Variants in DYNC2I1 observed in about 807,000 individuals in gnomAD.
DYNC2I1 encodes cytoplasmic dynein 2 intermediate chain 1.
Under a neutral mutation model 133.4 loss-of-function variants are expected in DYNC2I1, and 89 were observed. That is an observed-to-expected ratio of 0.67 (90% CI 0.56 to 0.80). The LOEUF (loss-of-function observed/expected upper bound fraction) is 0.80. DYNC2I1 is among the 30% of genes least tolerant of loss of function. DYNC2I1 has a pLI of 0.00. For synonymous variants in DYNC2I1, 504 were observed against 484.3 expected, an observed-to-expected ratio of 1.04 and a Z score of -0.54; for missense variants, 1,291 against 1,314.5, an observed-to-expected ratio of 0.98 and a Z score of 0.28.
At chr7:158,955,704 CAG>C (rs1231051635) in intron 4 of DYNC2I1, among the ~76,000 whole-genome samples, 2 of 152,218 alleles carry the variant, frequency 1.3e-5, no homozygotes, top group African/African-American at 2.4e-5. Flanking sequence ...TTCCATGGGA[CAG>C]GGCCCGTGAG....
chr7:158,958,604 A>G (rs147534657), downstream of DYNC2I1, among the ~76,000 whole-genome samples: 319 of 152,382 alleles, frequency 2.1e-3, 2 homozygotes, highest in African/African-American at 6.9e-3. Flanking sequence ...CCCGCAAACT[A>G]CACATTAGTT....
chr7:158,953,038 C>T (rs1162286570), intron 4 of DYNC2I1, among the ~76,000 whole-genome samples: 1 of 152,210 alleles, frequency 6.6e-6, no homozygotes, highest in African/African-American at 2.4e-5. Flanking sequence ...GCATCCGCAC[C>T]CATGGGCTAA....
At chr7:158,905,365 T>A (rs1004502581) in intron 10 of DYNC2I1, 2 of 278,700 alleles carry the variant, frequency 7.2e-6, no homozygotes, top group Non-Finnish European at 1.4e-5. Flanking sequence ...GGTCTGGAGC[T>A]CCAGCCCTCA....
intron 24 of DYNC2I1, 66 bp downstream of exon 24, chr7:158,942,214 G>T (rs1433221281): frequency 2.3e-6 from 3 of 1,299,470 alleles, no homozygotes; most frequent in Non-Finnish European, 3.1e-6. Flanking sequence ...TGCCACTTAC[G>T]GTCTTTCTTC....
chr7:158,870,893 A>G (rs553745750), intron 2 of DYNC2I1, among the ~76,000 whole-genome samples: 2 of 152,296 alleles, frequency 1.3e-5, no homozygotes, highest in Admixed American at 6.5e-5. Flanking sequence ...ATCAGTGTGA[A>G]TGTCCATGAT....
intron 23 of DYNC2I1, among the ~76,000 whole-genome samples, chr7:158,941,141 TACA>T (rs1478169055): frequency 6.6e-6 from 1 of 152,058 alleles, no homozygotes. Context: ...AAAGAGGAGA[TACA>T]ACAACTGAGC....
intron 23 of DYNC2I1, among the ~76,000 whole-genome samples, chr7:158,934,889 A>T (rs1850594429): frequency 6.6e-6 from 1 of 152,206 alleles, no homozygotes; most frequent in African/African-American, 2.4e-5. Flanking sequence ...AAAGTTAATC[A>T]TTTACTAGAG....
At chr7:158,939,815 T>C (rs1365428198) in intron 23 of DYNC2I1, among the ~76,000 whole-genome samples, 1 of 152,166 alleles carries the variant, frequency 6.6e-6, no homozygotes, top group African/African-American at 2.4e-5. Context: ...CAAGAGTGGC[T>C]ATACTCATGG....
chr7:158,863,785 C>CGG lies in DYNC2I1; in HGVS notation c.16-6064_16-6063dup, dbSNP rs1284240223. On this transcript the variant is annotated intron_variant, in intron 1 of 24. Transcript: ENST00000407559. ...ACGTCCTTAGCTCCCGGTGTGGGGG[C>CGG]GGGGGGGAGCGGGACGTCCTTAGCT... 5.2e-3 allele frequency among the ~76,000 whole-genome samples: 30 copies of CGG among 5,776 alleles called. 1 individual carries two copies. The highest frequency in any genetic ancestry group is 0.021 in the African/African-American group (28 of 1,350). The allele number at this position is 5,776 out of a possible 152,430, so 3.8% of individuals were successfully genotyped here.
intron 1 of DYNC2I1, chr7:158,869,631 G>A (rs1429720957): frequency 1.3e-5 from 7 of 547,590 alleles, no homozygotes; most frequent in Non-Finnish European, 2.0e-5. Context: ...AAGTTTTGAA[G>A]TAGCCAAAGG....
intron 4 of DYNC2I1, among the ~76,000 whole-genome samples, chr7:158,877,727 G>T (rs542469040): frequency 1.3e-5 from 2 of 152,058 alleles, no homozygotes; most frequent in African/African-American, 2.4e-5. Flanking sequence ...TAGAGACAGG[G>T]TCTTGCTCTG....
At chr7:158,944,163 G>A (rs905097749) in intron 24 of DYNC2I1, among the ~76,000 whole-genome samples, 1 of 152,224 alleles carries the variant, frequency 6.6e-6, no homozygotes, top group Non-Finnish European at 1.5e-5. Flanking sequence ...GCATGTGGTT[G>A]AGAAGCAGGT....
chr7:158,870,934 C>T (rs1214961593), intron 2 of DYNC2I1, among the ~76,000 whole-genome samples: 1 of 152,200 alleles, frequency 6.6e-6, no homozygotes, highest in Non-Finnish European at 1.5e-5. Flanking sequence ...TTGTAGAAAT[C>T]TAAGCTTGAC....
At chr7:158,940,536 A>G (rs1020861732) in intron 23 of DYNC2I1, among the ~76,000 whole-genome samples, 6 of 152,216 alleles carry the variant, frequency 3.9e-5, no homozygotes, top group Admixed American at 3.9e-4. Context: ...CAGAATACCC[A>G]TTCTTTACAC....
chr7:158,956,298 G>A (rs565396208), intron 4 of DYNC2I1, among the ~76,000 whole-genome samples: 1 of 152,308 alleles, frequency 6.6e-6, no homozygotes, highest in South Asian at 2.1e-4. Context: ...GACTGTGTGG[G>A]GACCCAGGCC....
intron 5 of DYNC2I1, among the ~76,000 whole-genome samples, chr7:158,880,402 T>C (rs556782906): frequency 2.1e-4 from 32 of 151,936 alleles, no homozygotes; most frequent in Non-Finnish European, 3.5e-4. Flanking sequence ...TGGGGCATGG[T>C]GGTAGGTGCC....
the DYNC2I1 span, among the ~76,000 whole-genome samples, chr7:158,847,673 C>G: frequency 6.6e-6 from 1 of 152,106 alleles, no homozygotes; most frequent in Non-Finnish European, 1.5e-5. Context: ...TCTGTAATAG[C>G]TAAAATGAAA....
Position 158,934,413 on chromosome 7 carries a change from C to A in DYNC2I1, c.2647-5C>A. 6.2e-7 allele frequency: 1 copy of A among 1,604,488 alleles called. No individual in the cohort carries two copies. The highest frequency in any genetic ancestry group is 1.1e-5 in the South Asian group (1 of 88,566). ...TTCAGTCACTCTTGGGCTTCTTCTT[C>A]ACAGGGTCTCATAAGCCATGGCACA... On this transcript the variant is annotated splice_polypyrimidine_tract_variant and splice_region_variant and intron_variant, in intron 22 of 24. Transcript: ENST00000407559.
rs1846284253 is a variant in DYNC2I1 at position 158,901,779 on chromosome 7, C to G, written c.1100C>G (p.Ala367Gly). The G allele has an allele frequency of 2.5e-6, 4 of 1,583,770 alleles. No homozygotes were observed. Among genetic ancestry groups the G allele is most frequent in the Non-Finnish European group, 3.4e-6 (4 of 1,164,716 alleles). Residue 367 changes from alanine to glycine, a missense_variant, in exon 9 of 25, where the codon GCT becomes GGT. Transcript: ENST00000407559. ...GAAACTGATTTAGAAAATGCTAGAGCTGATGCATATACAGCCAGTTGTGAA... is the reference window on the plus strand; with the variant it reads ...GAAACTGATTTAGAAAATGCTAGAGGTGATGCATATACAGCCAGTTGTGAA... ...KEETDLENARADAYTASCEDD... is the reference protein window; with the variant it reads ...KEETDLENARGDAYTASCEDD...
Sources: allele counts gnomAD v4.1 joint callset (sites outside exome capture counted in the v4.1 genomes callset), GRCh38; gene constraint gnomAD v4.1.1; transcripts MANE v1.5; gene names NCBI Gene and HGNC (gene_info 2026-07-23, HGNC 2026-07-21).